The following RANBP2 variants were observed in gnomAD, a reference collection of about 807,000 sequenced individuals.
RANBP2 encodes E3 SUMO-protein ligase RanBP2.
In RANBP2, 57 loss-of-function variants were observed where a neutral mutation model predicts 303.6. The ratio of observed to expected loss-of-function variants is 0.19; its 90% CI spans 0.15 to 0.23. RANBP2 has a LOEUF of 0.23. Among genes scored for constraint, RANBP2 ranks in the 10% least tolerant of loss-of-function variants. The pLI is 1.00. For synonymous variants in RANBP2, 1,167 were observed against 1,301.5 expected (o/e 0.90, Z 2.23); for missense variants, 3,138 against 3,780.8 (o/e 0.83, Z 4.46).
chr2:109,050,291 T>C, the RANBP2 span, among the ~76,000 whole-genome samples: 1 of 152,106 alleles, frequency 6.6e-6, no homozygotes, highest in African/African-American at 2.4e-5. Flanking sequence ...TCTTTCTGTG[T>C]CACCTAGGCT....
chr2:109,492,555 C>G, the RANBP2 span, among the ~76,000 whole-genome samples: 6 of 152,302 alleles, frequency 3.9e-5, no homozygotes, highest in Admixed American at 3.9e-4. Flanking sequence ...CTATGTTTCC[C>G]CAAGCGCTAC....
chr2:109,356,876 G>A, the RANBP2 span, among the ~76,000 whole-genome samples: 6 of 152,016 alleles, frequency 3.9e-5, no homozygotes, highest in African/African-American at 1.4e-4. Flanking sequence ...CCCCCACAGC[G>A]CTCTCACTTC....
chr2:109,234,122 T>C, the RANBP2 span, among the ~76,000 whole-genome samples: 1 of 152,216 alleles, frequency 6.6e-6, no homozygotes, highest in African/African-American at 2.4e-5. Flanking sequence ...AATTTCCTTA[T>C]AGGAAATGCC....
the RANBP2 span, among the ~76,000 whole-genome samples, chr2:109,329,681 T>C: frequency 3.1e-4 from 46 of 150,380 alleles, 1 homozygote; most frequent in African/African-American, 1.1e-3. Flanking sequence ...AGGGCAGTGC[T>C]CAGCTTGATT....
At chr2:109,608,626 A>G in the RANBP2 span, among the ~76,000 whole-genome samples, 6 of 152,366 alleles carry the variant, frequency 3.9e-5, no homozygotes, top group South Asian at 6.2e-4. Context: ...CCAACAAAGT[A>G]TAAGTGCTAT....
intron 23 of RANBP2, 103 bp downstream of exon 23, chr2:108,773,149 C>G (rs1677629978): frequency 7.8e-7 from 1 of 1,277,236 alleles, no homozygotes; most frequent in African/African-American, 1.5e-5. Flanking sequence ...CAGAATTTTA[C>G]TCTTGTTGCC....
At chr2:109,241,168 A>G in the RANBP2 span, among the ~76,000 whole-genome samples, 60 of 152,354 alleles carry the variant, frequency 3.9e-4, 3 homozygotes, top group South Asian at 0.012. Flanking sequence ...AGAGAGCGAA[A>G]TAAGTTTGTA....
the RANBP2 span, among the ~76,000 whole-genome samples, chr2:109,079,152 C>CCCT: frequency 1.4e-3 from 215 of 151,778 alleles, 3 homozygotes; most frequent in African/African-American, 5.0e-3. Flanking sequence ...CAAGGCCAAC[C>CCCT]CCTCCTCCTC....
chr2:109,026,908 G>A, the RANBP2 span, among the ~76,000 whole-genome samples: 2 of 151,990 alleles, frequency 1.3e-5, no homozygotes, highest in Non-Finnish European at 2.9e-5. Context: ...CAAAAAATTA[G>A]CCAGGCATGG....
At chr2:109,095,756 G>A in the RANBP2 span, among the ~76,000 whole-genome samples, 1 of 152,066 alleles carries the variant, frequency 6.6e-6, no homozygotes, top group Non-Finnish European at 1.5e-5. Flanking sequence ...TTACTTTATG[G>A]TCACACTAAT....
At chr2:109,328,077 T>A in the RANBP2 span, among the ~76,000 whole-genome samples, 1 of 152,208 alleles carries the variant, frequency 6.6e-6, no homozygotes, top group Admixed American at 6.5e-5. Flanking sequence ...ATCATATTAT[T>A]TTATCCTTCA....
the RANBP2 span, among the ~76,000 whole-genome samples, chr2:109,340,320 G>A: frequency 6.6e-6 from 1 of 152,198 alleles, no homozygotes; most frequent in Non-Finnish European, 1.5e-5. Flanking sequence ...CGCAGGTAGA[G>A]GTAGGAGCAG....
At chr2:109,686,295 T>C in the RANBP2 span, among the ~76,000 whole-genome samples, 1 of 152,120 alleles carries the variant, frequency 6.6e-6, no homozygotes, top group Non-Finnish European at 1.5e-5. Flanking sequence ...GCTCAAATCA[T>C]GTTTAAGTCA....
At chr2:109,633,044 G>A in the RANBP2 span, among the ~76,000 whole-genome samples, 1 of 152,104 alleles carries the variant, frequency 6.6e-6, no homozygotes, top group East Asian at 1.9e-4. Context: ...GGAAATAGAA[G>A]GCACATCCAC....
chr2:109,506,994 G>A, the RANBP2 span, among the ~76,000 whole-genome samples: 6 of 152,352 alleles, frequency 3.9e-5, no homozygotes, highest in African/African-American at 7.2e-5. Context: ...AGGCCTTGAC[G>A]GCTGGGCAGG....
At chr2:109,187,655 G>T in the RANBP2 span, among the ~76,000 whole-genome samples, 1 of 152,184 alleles carries the variant, frequency 6.6e-6, no homozygotes, top group Non-Finnish European at 1.5e-5. Context: ...CTGGAGTTAT[G>T]CATGTACACT....
the RANBP2 span, among the ~76,000 whole-genome samples, chr2:109,022,663 C>T: frequency 2.0e-5 from 3 of 152,080 alleles, no homozygotes; most frequent in Non-Finnish European, 4.4e-5. Context: ...ACATGCTATT[C>T]GGGTGATGGT....
the RANBP2 span, among the ~76,000 whole-genome samples, chr2:109,663,225 C>G: frequency 6.6e-6 from 1 of 152,214 alleles, no homozygotes. Flanking sequence ...CTTAAAACCT[C>G]CTTCATCCTC....
At chr2:108,735,407 G>A (rs576168681) in intron 4 of RANBP2, 125 bp from the exon 5 acceptor site, 2 of 1,567,968 alleles carry the variant, frequency 1.3e-6, no homozygotes, top group South Asian at 1.1e-5. Context: ...AAGGTATATA[G>A]GATGGTGTTT....
Sources: gnomAD v4.1 joint callset for allele counts (sites outside exome capture counted in the v4.1 genomes callset) on GRCh38, gnomAD v4.1.1 for gene constraint, MANE v1.5 for transcripts, NCBI Gene and HGNC (gene_info 2026-07-23, HGNC 2026-07-21) for gene names.